AHDC1: variants seen among roughly 807,000 people sequenced by gnomAD.
The protein encoded by AHDC1 is transcription factor Gibbin.
In AHDC1, 7 loss-of-function variants were observed where a neutral mutation model predicts 87.9. That is an observed-to-expected ratio of 0.08 (90% CI 0.05 to 0.15). The LOEUF (loss-of-function observed/expected upper bound fraction) is 0.15. Among genes scored for constraint, AHDC1 ranks in the 10% least tolerant of loss-of-function variants. The probability of loss-of-function intolerance (pLI) is 1.00; values close to 1 mark genes in which losing one functional copy is unlikely to be tolerated. For missense variants in AHDC1, 1,841 were observed against 2,253.2 expected (o/e 0.82, Z 3.70); for synonymous variants, 1,051 against 1,006.8 (o/e 1.04, Z -0.83).
intron 8 of AHDC1, among the ~76,000 whole-genome samples, chr1:27,538,191 C>T (rs1212501636): frequency 6.6e-6 from 1 of 151,860 alleles, no homozygotes; most frequent in African/African-American, 2.4e-5. Flanking sequence ...CTCTTGAGCT[C>T]AGGAGCTCAA....
intron 3 of AHDC1, among the ~76,000 whole-genome samples, chr1:27,575,408 G>C (rs1046637903): frequency 7.9e-5 from 12 of 152,118 alleles, no homozygotes; most frequent in Non-Finnish European, 1.6e-4. Flanking sequence ...AAGAGAGGCC[G>C]AGGAGGCGAG....
chr1:27,576,872 C>G (rs2088768152), intron 3 of AHDC1, among the ~76,000 whole-genome samples: 1 of 152,158 alleles, frequency 6.6e-6, no homozygotes, highest in Non-Finnish European at 1.5e-5. Context: ...TGACCCTGGC[C>G]CTGTCTAGGC....
chr1:27,551,855 C>A lies in AHDC1; in HGVS notation c.261G>T (p.Arg87=). Residue 87 remains arginine, a synonymous_variant, in exon 8 of 9, where the codon CGG becomes CGT. Transcript: ENST00000673934. ...GGGCCTGTGAGACAGGACGGGCTGC[C>A]CGTGGGGGCAGCGGGTCGTCCCCCT... ...LAKGDDPLPP[R]AARPVSQARC... is the part of the protein sequence containing the mutation. The A allele has an allele frequency of 6.2e-7, 1 of 1,609,564 alleles. No individual in the cohort carries two copies. Among genetic ancestry groups the A allele is most frequent in the Non-Finnish European group, 8.5e-7 (1 of 1,178,698 alleles).
intron 8 of AHDC1, among the ~76,000 whole-genome samples, chr1:27,538,043 CTCTCTAG>C (rs1355218685): frequency 6.6e-6 from 1 of 152,196 alleles, no homozygotes; most frequent in Non-Finnish European, 1.5e-5. Flanking sequence ...CTAACCTCTA[CTCTCTAG>C]TCTCTACTCT....
intron 8 of AHDC1, among the ~76,000 whole-genome samples, chr1:27,543,187 G>C (rs1472422542): frequency 1.3e-5 from 2 of 152,252 alleles, no homozygotes; most frequent in African/African-American, 4.8e-5. Context: ...GGTCAGGCCT[G>C]AGAGGGAGTA....
chr1:27,580,050 G>A (rs1022643755), intron 3 of AHDC1, among the ~76,000 whole-genome samples: 1 of 152,182 alleles, frequency 6.6e-6, no homozygotes, highest in African/African-American at 2.4e-5. Flanking sequence ...TCCTCTCTGG[G>A]ATGGAAAGGG....
chr1:27,602,692 G>A (rs1445854451), intron 3 of AHDC1, among the ~76,000 whole-genome samples: 2 of 152,196 alleles, frequency 1.3e-5, no homozygotes, highest in African/African-American at 4.8e-5. Flanking sequence ...AGCCCCAGAG[G>A]AAACGCATTG....
chr1:27,541,027 C>CAAAAAAAAAAAT (rs2018890667), intron 8 of AHDC1, among the ~76,000 whole-genome samples: 1 of 60,570 alleles, frequency 1.7e-5, no homozygotes, highest in Non-Finnish European at 3.4e-5. Context: ...AAAAAAAAAA[C>CAAAAAAAAAAAT]AACAACAAAA....
chr1:27,586,465 A>C (rs1557701597), intron 3 of AHDC1, among the ~76,000 whole-genome samples: 1 of 152,220 alleles, frequency 6.6e-6, no homozygotes, highest in Non-Finnish European at 1.5e-5. Flanking sequence ...AGCCAGCGGC[A>C]GTAGGTTATG....
intron 3 of AHDC1, among the ~76,000 whole-genome samples, chr1:27,584,647 C>G (rs753507521): frequency 6.6e-6 from 1 of 152,130 alleles, no homozygotes; most frequent in Non-Finnish European, 1.5e-5. Context: ...AGCACTGTAG[C>G]GGGGTGAGCT....
Position 27,550,341 on chromosome 1 carries a change from T to C in AHDC1, c.1775A>G (p.Gln592Arg). 1 of 1,614,070 alleles carries C rather than the reference T, an allele frequency of 6.2e-7. No homozygotes were observed. The highest frequency in any genetic ancestry group is 8.5e-7 in the Non-Finnish European group (1 of 1,179,994). ...GGATGGCTGGGGAGATGCCAGCTTC[T>C]GCTTCCGCCGCCGTCGTTTTTTTAC... is the stretch of plus-strand genomic sequence containing the variant. Reference protein sequence around the residue: ...PEVKKRRRRKQKLASPQPSYA... With the variant: ...PEVKKRRRRKRKLASPQPSYA... The change falls in exon 8 of 9, where the codon CAG becomes CGG. Residue 592 changes from glutamine to arginine, a missense_variant. By Grantham distance (43) the Gln-to-Arg change is conservative. This residue lies in a region of AHDC1 where 84 missense variants were observed against 111.7 expected (regional missense o/e 0.75). Coordinates refer to ENST00000673934, the MANE Select transcript of AHDC1 (RefSeq NM_001371928.1).
chr1:27,547,353 G>A lies in AHDC1; in HGVS notation c.4763C>T (p.Pro1588Leu). Residue 1588 changes from proline to leucine, a missense_variant, in exon 8 of 9, where the codon CCC becomes CTC. Physicochemically the swap from Pro to Leu is moderately conservative, Grantham distance 98. Coordinates refer to ENST00000673934, the MANE Select transcript of AHDC1 (RefSeq NM_001371928.1). This position sits in a 1 kb window ranked among gnomAD's most constrained non-coding sequence, Gnocchi z 4.9. ...GTCCTCGGGGTGAGGTTCCGCCATG[G>A]GCCCCAGGAAGCCGCTCTTGGGGCC... ...GGGPKSGFLG[P>L]MAEPHPEDTF... is the part of the protein sequence containing the mutation. 6.4e-7 allele frequency: 1 copy of A among 1,554,740 alleles called. No individual in the cohort carries two copies. Among genetic ancestry groups the A allele is most frequent in the Non-Finnish European group, 8.7e-7 (1 of 1,152,434 alleles).
At position 27,563,139 on chromosome 1, in the gene AHDC1, A is replaced by T. The variant is rs1042235851; in HGVS notation, c.-628-4256T>A. 1.3e-5 allele frequency among the ~76,000 whole-genome samples: 2 copies of T among 151,668 alleles called. No individual in the cohort carries two copies. The highest frequency in any genetic ancestry group is 4.9e-5 in the African/African-American group (2 of 41,192). Reference sequence around the variant, plus strand: ...CACACACACACGCACGCACGCATGCATGCACACACCCACACAAAGAACCTG... The same window carrying T: ...CACACACACACGCACGCACGCATGCTTGCACACACCCACACAAAGAACCTG... On this transcript the variant is annotated intron_variant, in intron 3 of 8. Coordinates refer to ENST00000673934, the MANE Select transcript of AHDC1 (RefSeq NM_001371928.1). The surrounding 1 kb of genome is among the most constrained non-coding windows in gnomAD (Gnocchi z 6.1).
chr1:27,582,107 C>T (rs1287159913), intron 3 of AHDC1, among the ~76,000 whole-genome samples: 1 of 152,238 alleles, frequency 6.6e-6, no homozygotes, highest in African/African-American at 2.4e-5. Flanking sequence ...CCCCTGCTCT[C>T]CAGCGCAGCT....
rs559099656 is a variant in AHDC1, at chr1:27,601,949, G to A, written c.-629+1448C>T. ...TCACACCCTGAGCTCTGCCCAGGGA[G>A]CTGGGGCCAAGTCCCGCCTGACACC... On this transcript the variant is annotated intron_variant, in intron 3 of 8. Transcript: ENST00000673934. 1.1e-4 allele frequency among the ~76,000 whole-genome samples: 16 copies of A among 152,328 alleles called. No homozygotes were observed. The East Asian group carries it at 2.1e-3, about 20-fold the overall frequency.
At chr1:27,553,479 GAA>G (rs1326806328) in intron 5 of AHDC1, 1 of 152,128 alleles carries the variant, frequency 6.6e-6, no homozygotes, top group Middle Eastern at 3.2e-3. Context: ...GAGCTGCAAA[GAA>G]AAAGTGAAGA....
chr1:27,592,578 C>A (rs1361970345), intron 3 of AHDC1, among the ~76,000 whole-genome samples: 6 of 151,952 alleles, frequency 3.9e-5, no homozygotes, highest in African/African-American at 1.2e-4. Context: ...CCGCCCTCCC[C>A]CCCCCAGGCC....
In AHDC1 at chr1:27,593,420, G is replaced by A. The variant is rs184090720; in HGVS notation, c.-629+9977C>T. 5.3e-5 allele frequency among the ~76,000 whole-genome samples: 8 copies of A among 152,310 alleles called. No individual in the cohort carries two copies. The highest frequency in any genetic ancestry group is 5.2e-4 in the Admixed American group (8 of 15,302). ...ACTGCTGCCGCCACCACTACCCCCA[G>A]GCAGGCTGGGACCCAGGTCCCTGGT... On this transcript the variant is annotated intron_variant, in intron 3 of 8. Transcript: ENST00000673934. This position sits in a 1 kb window ranked among gnomAD's most constrained non-coding sequence, Gnocchi z 4.9.
At position 27,547,273 on chromosome 1, in the gene AHDC1, C is replaced by T. The variant is rs755880842; in HGVS notation, c.*31G>A. On this transcript the variant is annotated 3_prime_UTR_variant, in exon 8 of 9. Coordinates refer to ENST00000673934, the MANE Select transcript of AHDC1 (RefSeq NM_001371928.1). This position sits in a 1 kb window ranked among gnomAD's most constrained non-coding sequence, Gnocchi z 4.9. The stretch of plus-strand genomic sequence containing the variant: ...TCCCCAGACTCACCCAGGAACAAAA[C>T]CTCGCGGTCCAGTCGGCACTTCAGT... The T allele has an allele frequency of 4.6e-6, 7 of 1,513,676 alleles. No individual in the cohort carries two copies. In the South Asian group the frequency reaches 6.7e-5, roughly 14 times the overall value. The allele number at this position is 1,513,676 out of a possible 1,614,324, so 93.8% of individuals were successfully genotyped here.
Sources: allele counts gnomAD v4.1 joint callset (sites outside exome capture counted in the v4.1 genomes callset), GRCh38; gene constraint gnomAD v4.1.1; regional missense constraint gnomAD v4.1.1; non-coding constraint Gnocchi (gnomAD v3.1); transcripts MANE v1.5; gene names NCBI Gene and HGNC (gene_info 2026-07-23, HGNC 2026-07-21).